Variants in SYN3 observed in about 807,000 individuals in gnomAD.
SYN3 encodes the protein synapsin-3.
In SYN3, 35 loss-of-function variants were observed where a neutral mutation model predicts 65.8. That is an observed-to-expected ratio of 0.53 (90% CI 0.41 to 0.70). The LOEUF is 0.70. Among genes scored for constraint, SYN3 ranks in the 30% least tolerant of loss-of-function variants. The pLI, the probability that SYN3 is intolerant of heterozygous loss-of-function variation, is 0.00. For missense variants in SYN3, 680 were observed against 749.0 expected (o/e 0.91, Z 1.08); for synonymous variants, 270 against 292.9 (o/e 0.92, Z 0.80).
chr22:32,677,983 G>C (rs2060469832), intron 6 of SYN3, among the ~76,000 whole-genome samples: 1 of 152,118 alleles, frequency 6.6e-6, no homozygotes. Context: ...AATGTCTAGG[G>C]AACTACAAAG....
intron 1 of SYN3, among the ~76,000 whole-genome samples, chr22:33,033,606 G>T (rs1569416007): frequency 6.6e-6 from 1 of 152,146 alleles, no homozygotes; most frequent in Non-Finnish European, 1.5e-5. Flanking sequence ...GCCTCACCCA[G>T]GGCCTGCACA....
intron 10 of SYN3, 53 bp downstream of exon 10, chr22:32,533,740 G>A: frequency 1.5e-6 from 2 of 1,315,826 alleles, no homozygotes; most frequent in African/African-American, 1.4e-5. Context: ...CCCTCCCCCT[G>A]GCACGCCTGC....
At chr22:33,009,937 A>T (rs2053309254) in intron 1 of SYN3, among the ~76,000 whole-genome samples, 1 of 152,046 alleles carries the variant, frequency 6.6e-6, no homozygotes, top group African/African-American at 2.4e-5. Flanking sequence ...GTCTGTTCTT[A>T]AAAATCTCTG....
At chr22:32,596,555 A>C in intron 7 of SYN3, 119 bp downstream of exon 7, 1 of 990,580 alleles carries the variant, frequency 1.0e-6, no homozygotes, top group Non-Finnish European at 1.5e-6. Flanking sequence ...GATTCTTTCT[A>C]ACACTCTGTT....
At chr22:32,905,353 G>C (rs1259082223) in intron 4 of SYN3, among the ~76,000 whole-genome samples, 2 of 152,138 alleles carry the variant, frequency 1.3e-5, no homozygotes, top group African/African-American at 4.8e-5. Flanking sequence ...ATCTAGGTGG[G>C]AGGACAAAAA....
intron 3 of SYN3, among the ~76,000 whole-genome samples, chr22:32,942,077 C>T (rs941614480): frequency 6.6e-6 from 1 of 152,246 alleles, no homozygotes; most frequent in Non-Finnish European, 1.5e-5. Context: ...ATGTCCCTGT[C>T]TGACAGCTTT....
intron 6 of SYN3, among the ~76,000 whole-genome samples, chr22:32,688,504 T>A (rs1265403538): frequency 1.3e-5 from 2 of 152,098 alleles, no homozygotes; most frequent in Non-Finnish European, 2.9e-5. Flanking sequence ...CTCTTGATCC[T>A]CTCTGTCTGC....
At chr22:32,817,379 T>A (rs2047115569) in intron 6 of SYN3, among the ~76,000 whole-genome samples, 1 of 152,208 alleles carries the variant, frequency 6.6e-6, no homozygotes, top group Non-Finnish European at 1.5e-5. Context: ...GCCAAGGAAC[T>A]AATTTTCCCA....
intron 2 of SYN3, among the ~76,000 whole-genome samples, chr22:32,990,768 G>A (rs1379236507): frequency 6.6e-6 from 1 of 152,080 alleles, no homozygotes; most frequent in Non-Finnish European, 1.5e-5. Flanking sequence ...TAGAATATTC[G>A]CTGGCAAGGT....
intron 4 of SYN3, among the ~76,000 whole-genome samples, chr22:32,891,070 G>A (rs184764540): frequency 1.3e-5 from 2 of 152,274 alleles, no homozygotes; most frequent in African/African-American, 4.8e-5. Context: ...AGTTCCTGAA[G>A]ACCTAACTGC....
chr22:32,756,139 C>T (rs2045283757), intron 6 of SYN3, among the ~76,000 whole-genome samples: 1 of 151,920 alleles, frequency 6.6e-6, no homozygotes, highest in African/African-American at 2.4e-5. Flanking sequence ...TTGATGGGTG[C>T]AGCAAACCAC....
At position 32,617,804 on chromosome 22, in the gene SYN3, G is replaced by A. The variant is rs148685300; in HGVS notation, c.712-21068C>T. Among the ~76,000 whole-genome samples, 534 of 152,064 alleles carry A rather than the reference G, an allele frequency of 3.5e-3. 4 individuals are homozygous for A. Among genetic ancestry groups the A allele is most frequent in the African/African-American group, 0.012 (496 of 41,448 alleles). ...GAGGGAGGCAGGGTTAGGGAGAGGAGGGGTTGGGGTCAGGGAGAGGACCCT... is the reference window on the plus strand; with the variant it reads ...GAGGGAGGCAGGGTTAGGGAGAGGAAGGGTTGGGGTCAGGGAGAGGACCCT... On this transcript the variant is annotated intron_variant, in intron 6 of 13. Transcript: ENST00000358763.
chr22:33,055,086 G>A (rs779843927), intron 1 of SYN3, among the ~76,000 whole-genome samples: 66 of 152,158 alleles, frequency 4.3e-4, no homozygotes, highest in Non-Finnish European at 7.8e-4. Flanking sequence ...TGGAAGCTGA[G>A]ATTGACTCCT....
At chr22:32,639,634 G>A (rs116424082) in intron 6 of SYN3, among the ~76,000 whole-genome samples, 1,367 of 121,708 alleles carry the variant, frequency 0.011, 14 homozygotes, top group African/African-American at 0.048. Flanking sequence ...CTGCAGCCTC[G>A]ATCTCCTGGC....
chr22:32,727,864 A>T (rs2061217399), intron 6 of SYN3, among the ~76,000 whole-genome samples: 1 of 152,144 alleles, frequency 6.6e-6, no homozygotes, highest in Non-Finnish European at 1.5e-5. Context: ...GTATCTTATA[A>T]ATACTAGATG....
In SYN3 at chr22:32,976,916, T is replaced by C. The variant is rs541523646; in HGVS notation, c.369+3729A>G. Among the ~76,000 whole-genome samples the C allele has an allele frequency of 1.8e-4, 28 of 151,940 alleles. No individual in the cohort carries two copies. In the South Asian group the frequency reaches 5.0e-3, roughly 27 times the overall value. ...TTGGTTGGGAGACAGGATCCCAAAATGTGAGGCCAGCTCAGACTAAACAGT... is the reference window on the plus strand; with the variant it reads ...TTGGTTGGGAGACAGGATCCCAAAACGTGAGGCCAGCTCAGACTAAACAGT... On this transcript the variant is annotated intron_variant, in intron 3 of 13. Coordinates refer to ENST00000358763, the MANE Select transcript of SYN3 (RefSeq NM_003490.4).
intron 6 of SYN3, among the ~76,000 whole-genome samples, chr22:32,798,331 G>C (rs2145911669): frequency 6.6e-6 from 1 of 152,228 alleles, no homozygotes; most frequent in African/African-American, 2.4e-5. Context: ...CAAGCCCACA[G>C]TACAAGCATG....
chr22:32,557,251 T>C (rs899707157), intron 7 of SYN3, among the ~76,000 whole-genome samples: 1 of 151,234 alleles, frequency 6.6e-6, no homozygotes, highest in South Asian at 2.1e-4. Flanking sequence ...GATAATTCTA[T>C]AGAGGGTGAC....
chr22:32,594,705 C>A (rs560058650), intron 7 of SYN3, among the ~76,000 whole-genome samples: 248 of 152,252 alleles, frequency 1.6e-3, no homozygotes, highest in African/African-American at 5.8e-3. Flanking sequence ...TCAGGCTGGT[C>A]TCTAACTCCG....
Sources: allele counts gnomAD v4.1 joint callset (sites outside exome capture counted in the v4.1 genomes callset), GRCh38; gene constraint gnomAD v4.1.1; transcripts MANE v1.5; gene names NCBI Gene and HGNC (gene_info 2026-07-23, HGNC 2026-07-21).